The following FAM76A variants were observed in gnomAD, a reference collection of about 807,000 sequenced individuals.
FAM76A encodes the protein protein FAM76A.
Under a neutral mutation model 46.2 loss-of-function variants are expected in FAM76A, and 32 were observed. The observed-to-expected ratio is 0.69, with a 90% confidence interval of 0.52 to 0.93. FAM76A has a LOEUF of 0.93. Among genes scored for constraint, FAM76A ranks in the 40% least tolerant of loss-of-function variants. The pLI, the probability that FAM76A is intolerant of heterozygous loss-of-function variation, is 0.00. For synonymous variants in FAM76A, 137 were observed against 127.0 expected, an observed-to-expected ratio of 1.08 and a Z score of -0.53; for missense variants, 274 against 361.5, an observed-to-expected ratio of 0.76 and a Z score of 1.96.
chr1:27,751,803 T>G (rs2088337308), intron 6 of FAM76A, among the ~76,000 whole-genome samples: 1 of 150,348 alleles, frequency 6.7e-6, no homozygotes. Context: ...TGCCTGGCTT[T>G]TTTTGTTTTT....
chr1:27,732,804 T>A, intron 3 of FAM76A, 147 bp downstream of exon 3: 2 of 510,766 alleles, frequency 3.9e-6, no homozygotes, highest in Non-Finnish European at 6.7e-6. Flanking sequence ...CTTTCACATT[T>A]AGCTAATGCT....
intron 3 of FAM76A, among the ~76,000 whole-genome samples, chr1:27,733,645 C>G (rs1010214675): frequency 2.0e-5 from 3 of 151,872 alleles, no homozygotes; most frequent in Non-Finnish European, 4.4e-5. Flanking sequence ...GTCAGGAGTT[C>G]TAGACCAGCC....
intron 2 of FAM76A, among the ~76,000 whole-genome samples, chr1:27,729,207 A>AT (rs559802429): frequency 2.6e-4 from 38 of 146,964 alleles, no homozygotes; most frequent in African/African-American, 5.2e-4. Context: ...TTTATCATGG[A>AT]TTTTTTTTTT....
intron 4 of FAM76A, among the ~76,000 whole-genome samples, chr1:27,736,650 C>T (rs577096480): frequency 1.8e-4 from 28 of 152,276 alleles, no homozygotes; most frequent in Non-Finnish European, 2.5e-4. Context: ...TGCAGTGGCA[C>T]GACCTCAGCT....
At chr1:27,737,239 G>A (rs531227308) in intron 4 of FAM76A, among the ~76,000 whole-genome samples, 47 of 152,188 alleles carry the variant, frequency 3.1e-4, no homozygotes, top group Middle Eastern at 3.4e-3. Context: ...ATGAGCCACC[G>A]TGCCCGGCCT....
Position 27,732,635 on chromosome 1 carries a change from A to G in FAM76A, c.179A>G (p.Gln60Arg), listed in dbSNP as rs1327762513. The G allele has an allele frequency of 6.2e-7, 1 of 1,610,040 alleles. No homozygotes were observed. ...AATACAATATGCAAGAAATGTGCTC[A>G]GAACGTGCAGTTGTATGGAACGGTA... ...KTNTICKKCA[Q>R]NVQLYGTPKP... The change falls in exon 3 of 9, where the codon CAG becomes CGG. Residue 60 changes from glutamine to arginine, a missense_variant. Coordinates refer to ENST00000373954, the MANE Select transcript of FAM76A (RefSeq NM_152660.3).
intron 4 of FAM76A, among the ~76,000 whole-genome samples, chr1:27,738,108 C>G (rs757867067): frequency 2.0e-5 from 3 of 151,924 alleles, no homozygotes; most frequent in Non-Finnish European, 4.4e-5. Context: ...TGTGGTAGTT[C>G]CAGCTACCCT....
chr1:27,749,893 G>T (rs2088304203), intron 6 of FAM76A, among the ~76,000 whole-genome samples: 1 of 152,194 alleles, frequency 6.6e-6, no homozygotes, highest in South Asian at 2.1e-4. Flanking sequence ...TTCATTTCAA[G>T]CCAGTCTAAA....
chr1:27,748,776 C>T (rs61787132), intron 5 of FAM76A, among the ~76,000 whole-genome samples: 37 of 152,292 alleles, frequency 2.4e-4, no homozygotes, highest in Non-Finnish European at 3.5e-4. Flanking sequence ...CCACCGCACC[C>T]GGCCTCTTAT....
chr1:27,753,256 A>G (rs2088359749), intron 6 of FAM76A, among the ~76,000 whole-genome samples: 2 of 152,198 alleles, frequency 1.3e-5, no homozygotes, highest in South Asian at 4.1e-4. Context: ...GTTGTCAACT[A>G]TTTATTGGTA....
chr1:27,726,678 G>C, intron 1 of FAM76A, among the ~76,000 whole-genome samples: 1 of 151,728 alleles, frequency 6.6e-6, no homozygotes, highest in East Asian at 1.9e-4. Context: ...CTCAGAATCG[G>C]AGGCAGCAAG....
intron 5 of FAM76A, among the ~76,000 whole-genome samples, chr1:27,747,370 CGAG>C (rs1363092960): frequency 1.1e-4 from 16 of 152,096 alleles, no homozygotes; most frequent in African/African-American, 3.9e-4. Context: ...GATGACCAAA[CGAG>C]GAGAACATTT....
rs559163476 is a variant in FAM76A at position 27,728,509 on chromosome 1, C to T, written c.146+973C>T. Among the ~76,000 whole-genome samples, 7 of 152,254 alleles carry T rather than the reference C, an allele frequency of 4.6e-5. No individual in the cohort carries two copies. The East Asian group carries it at 1.2e-3, about 25-fold the overall frequency. On this transcript the variant is annotated intron_variant, in intron 2 of 8. Transcript: ENST00000373954. ...CTGGGACCACAGGTGTGTGCCACCA[C>T]GCCCAGCTAATTTTTTTATTTTTGT... is the stretch of plus-strand genomic sequence containing the variant.
intron 7 of FAM76A, among the ~76,000 whole-genome samples, chr1:27,758,689 T>G (rs12563159): frequency 0.16 from 23,433 of 149,202 alleles, 4,855 homozygotes; most frequent in African/African-American, 0.47. Flanking sequence ...GTTTTTTTTT[T>G]TTTTTTTTTT....
chr1:27,748,954 C>A, intron 5 of FAM76A, 114 bp from the exon 6 acceptor site: 1 of 616,344 alleles, frequency 1.6e-6, no homozygotes, highest in Non-Finnish European at 2.8e-6. Context: ...GAATTATTAG[C>A]TCTTGCATAG....
intron 7 of FAM76A, among the ~76,000 whole-genome samples, chr1:27,756,648 C>T (rs2088414094): frequency 6.6e-6 from 1 of 151,964 alleles, no homozygotes; most frequent in South Asian, 2.1e-4. Flanking sequence ...TTTCTAATAT[C>T]TTCACATTAA....
At chr1:27,760,203 TTC>T in intron 8 of FAM76A, 1 of 368,828 alleles carries the variant, frequency 2.7e-6, no homozygotes, top group Non-Finnish European at 5.3e-6. Flanking sequence ...GAATTATAGA[TTC>T]TGTTTATCCA....
At chr1:27,757,600 C>T (rs933931406) in intron 7 of FAM76A, among the ~76,000 whole-genome samples, 5 of 152,272 alleles carry the variant, frequency 3.3e-5, no homozygotes, top group Non-Finnish European at 2.9e-5. Flanking sequence ...AACTCCTGAC[C>T]TCAAGTGACC....
In FAM76A at chr1:27,761,230, C is replaced by T. The variant is rs1024455476; in HGVS notation, c.*649C>T. ...TTCTTGATAAAGGAATAATGGTGGT[C>T]TAGCTAGTTCTTGTAAAAGTGATGC... On this transcript the variant is annotated 3_prime_UTR_variant, in exon 9 of 9. Coordinates refer to ENST00000373954, the MANE Select transcript of FAM76A (RefSeq NM_152660.3). The T allele has an allele frequency of 2.1e-5, 3 of 143,432 alleles. No homozygotes were observed. Among genetic ancestry groups the T allele is most frequent in the Non-Finnish European group, 4.5e-5 (3 of 66,438 alleles). The allele number at this position is 143,432 out of a possible 1,614,324, so 8.9% of individuals were successfully genotyped here.
Sources: allele counts gnomAD v4.1 joint callset (sites outside exome capture counted in the v4.1 genomes callset), GRCh38; gene constraint gnomAD v4.1.1; transcripts MANE v1.5; gene names NCBI Gene and HGNC (gene_info 2026-07-23, HGNC 2026-07-21).